The following METTL9 variants were observed in gnomAD, a reference collection of about 807,000 sequenced individuals.
METTL9 encodes the protein protein-L-histidine N-pros-methyltransferase.
A neutral mutation model predicts 36.0 loss-of-function variants in METTL9; 10 were observed. That is an observed-to-expected ratio of 0.28 (90% CI 0.17 to 0.47). METTL9 has a LOEUF of 0.47. METTL9 is among the 20% of genes least tolerant of loss of function. The pLI, the probability that METTL9 is intolerant of heterozygous loss-of-function variation, is 0.99. For missense variants in METTL9, 246 were observed against 383.5 expected (o/e 0.64, Z 3.00); for synonymous variants, 175 against 149.7 (o/e 1.17, Z -1.23).
intron 3 of METTL9, among the ~76,000 whole-genome samples, chr16:21,623,181 G>T (rs987155793): frequency 3.3e-5 from 5 of 152,142 alleles, no homozygotes; most frequent in African/African-American, 1.2e-4. Flanking sequence ...ATTTCAAACA[G>T]TATTTAGTGC....
intron 4 of METTL9, among the ~76,000 whole-genome samples, chr16:21,638,909 C>A (rs1966176388): frequency 6.6e-6 from 1 of 152,082 alleles, no homozygotes. Context: ...AGTGTTGGCG[C>A]CTGAAATCAA....
In METTL9 at chr16:21,655,205, T is replaced by G. The variant is rs748768411; in HGVS notation, c.752-22T>G. On this transcript the variant is annotated intron_variant, in intron 4 of 4. Transcript: ENST00000358154. ...TCACTTGTTTGTTCAAGAATTTAAC[T>G]GAATGTTCTTATTTGTATTAGTAGG... 3.1e-6 allele frequency: 5 copies of G among 1,602,090 alleles called. No homozygotes were observed. The South Asian group carries it at 4.4e-5, about 14-fold the overall frequency.
Position 21,655,309 on chromosome 16 carries a change from A to C in METTL9, c.834A>C (p.Glu278Asp). The C allele has an allele frequency of 1.2e-6, 2 of 1,614,250 alleles. No homozygotes were observed. Among genetic ancestry groups the C allele is most frequent in the Non-Finnish European group, 1.7e-6 (2 of 1,180,040 alleles). ...NWEEQVNSLP[E>D]VFRKAGFVIE... Reference sequence around the variant, plus strand: ...AAGAACAAGTGAATAGTCTGCCTGAAGTTTTCAGAAAAGCTGGTTTTGTTA... The same window carrying C: ...AAGAACAAGTGAATAGTCTGCCTGACGTTTTCAGAAAAGCTGGTTTTGTTA... Residue 278 changes from glutamate (E) to aspartate (D), a missense_variant, in exon 5 of 5, where the codon GAA becomes GAC. Transcript: ENST00000358154.
intron 4 of METTL9, among the ~76,000 whole-genome samples, chr16:21,629,922 T>A (rs1363090522): frequency 6.6e-6 from 1 of 152,194 alleles, no homozygotes; most frequent in East Asian, 1.9e-4. Context: ...TGCTGATTGG[T>A]GCGTTTACAA....
intron 4 of METTL9, among the ~76,000 whole-genome samples, chr16:21,636,027 T>G (rs1966083318): frequency 1.3e-5 from 2 of 152,170 alleles, no homozygotes; most frequent in Admixed American, 1.3e-4. Context: ...ACTGATGCAT[T>G]CTCAAAAACC....
intron 4 of METTL9, among the ~76,000 whole-genome samples, chr16:21,648,009 T>C (rs1966474294): frequency 1.3e-5 from 2 of 152,196 alleles, no homozygotes. Context: ...CAGGAATTCA[T>C]GGCCATTCAC....
At position 21,656,482 on chromosome 16, in the gene METTL9, A is replaced by C. The variant is rs962839984; in HGVS notation, c.*1050A>C. On this transcript the variant is annotated 3_prime_UTR_variant, in exon 5 of 5. Transcript: ENST00000358154. Reference sequence around the variant, plus strand: ...ACCGTGTCAGACTCATGCATTCTGGAATCCGTGAGTGCCTCCAACCATAAA... The same window carrying C: ...ACCGTGTCAGACTCATGCATTCTGGCATCCGTGAGTGCCTCCAACCATAAA... 1 of 152,136 alleles carries C rather than the reference A, an allele frequency of 6.6e-6. No individual in the cohort carries two copies. Among genetic ancestry groups the C allele is most frequent in the African/African-American group, 2.4e-5 (1 of 41,412 alleles). 9.4% of individuals were successfully genotyped at this position (152,136 alleles called of 1,614,324 possible).
chr16:21,617,432 GAAA>G (rs71151645), intron 2 of METTL9, among the ~76,000 whole-genome samples: 63 of 142,670 alleles, frequency 4.4e-4, no homozygotes, highest in Non-Finnish European at 8.1e-4. Context: ...AAAAAAAAAA[GAAA>G]AAAAAAATTA....
rs1350983492 is a variant in METTL9 at position 21,656,914 on chromosome 16, T to C, written c.*1482T>C. On this transcript the variant is annotated 3_prime_UTR_variant, in exon 5 of 5. Transcript: ENST00000358154. ...AATTGTTATTGGTGTGTTCTAATGATTTTTTTCCAGGAATTCAAGTAAGTG... is the reference window on the plus strand; with the variant it reads ...AATTGTTATTGGTGTGTTCTAATGACTTTTTTCCAGGAATTCAAGTAAGTG... 1.3e-5 allele frequency: 2 copies of C among 152,270 alleles called. No homozygotes were observed. The highest frequency in any genetic ancestry group is 2.9e-5 in the Non-Finnish European group (2 of 68,022). The allele number at this position is 152,270 out of a possible 1,614,324, so 9.4% of individuals were successfully genotyped here.
At chr16:21,625,909 T>C (rs1167656189) in intron 4 of METTL9, among the ~76,000 whole-genome samples, 1 of 152,150 alleles carries the variant, frequency 6.6e-6, no homozygotes, top group African/African-American at 2.4e-5. Flanking sequence ...GTTTCATTTA[T>C]TTTTTTGAGA....
At chr16:21,614,577 A>G (rs536641355) in intron 2 of METTL9, among the ~76,000 whole-genome samples, 1 of 152,306 alleles carries the variant, frequency 6.6e-6, no homozygotes, top group African/African-American at 2.4e-5. Context: ...ATTCTCAGCT[A>G]AAAACTAAAT....
At chr16:21,639,963 C>T (rs1966205244) in intron 4 of METTL9, 1 of 144,176 alleles carries the variant, frequency 6.9e-6, no homozygotes, top group Non-Finnish European at 1.5e-5. Flanking sequence ...ATTTTTGAGA[C>T]AGTCTTGCTC....
chr16:21,637,954 C>G (rs1048822470), intron 4 of METTL9, among the ~76,000 whole-genome samples: 1 of 152,160 alleles, frequency 6.6e-6, no homozygotes, highest in African/African-American at 2.4e-5. Context: ...TTTTGCAGCT[C>G]GAAGTAAAAC....
At chr16:21,624,299 GAT>G (rs1965771960) in intron 3 of METTL9, among the ~76,000 whole-genome samples, 3 of 152,218 alleles carry the variant, frequency 2.0e-5, no homozygotes, top group African/African-American at 7.2e-5. Flanking sequence ...TTCATTAACT[GAT>G]ATTCAAAAGA....
In METTL9 at chr16:21,632,940, G is replaced by A. The variant is rs1966000676; in HGVS notation, c.751+7825G>A. The stretch of plus-strand genomic sequence containing the variant: ...TGTTCTGTGGGAAGGCTTAAAGTCA[G>A]AGCTTATACTAGGGCCTGCTTTAAG... On this transcript the variant is annotated intron_variant, in intron 4 of 4. Transcript: ENST00000358154. Among the ~76,000 whole-genome samples, 4 of 152,282 alleles carry A rather than the reference G, an allele frequency of 2.6e-5. No homozygotes were observed. The South Asian group carries it at 8.3e-4, about 32-fold the overall frequency.
chr16:21,651,050 T>C (rs920731024), intron 4 of METTL9, among the ~76,000 whole-genome samples: 10 of 152,062 alleles, frequency 6.6e-5, no homozygotes, highest in Admixed American at 6.5e-5. Flanking sequence ...GGTGAAACGC[T>C]GTCTCTACTA....
intron 2 of METTL9, among the ~76,000 whole-genome samples, chr16:21,614,715 A>C (rs1442114565): frequency 4.6e-5 from 7 of 152,250 alleles, no homozygotes; most frequent in Non-Finnish European, 1.0e-4. Flanking sequence ...AACTTCCTTT[A>C]TTTTGGAAAG....
rs549152457 is a variant in METTL9 at position 21,612,296 on chromosome 16, C to A, written c.166-349C>A. ...GAGGCCAGCAGAGCTTTCTAAATCT[C>A]GGGTACAGTGACTGAAGCACTGGGC... On this transcript the variant is annotated intron_variant, in intron 1 of 4. Transcript: ENST00000358154. 7 of 181,630 alleles carry A rather than the reference C, an allele frequency of 3.9e-5. 1 individual carries two copies. The East Asian group carries it at 9.7e-4, about 25-fold the overall frequency. 11.3% of individuals were successfully genotyped at this position (181,630 alleles called of 1,614,324 possible). A position where few individuals can be genotyped will look rare whatever the true frequency, so the allele number is the denominator to read the frequency against.
intron 3 of METTL9, among the ~76,000 whole-genome samples, chr16:21,624,367 A>G (rs1360776213): frequency 6.6e-6 from 1 of 152,202 alleles, no homozygotes; most frequent in Non-Finnish European, 1.5e-5. Flanking sequence ...CTTATTAAAC[A>G]TGATTAGTTC....
Sources: gnomAD v4.1 joint callset for allele counts (sites outside exome capture counted in the v4.1 genomes callset) on GRCh38, gnomAD v4.1.1 for gene constraint, MANE v1.5 for transcripts, NCBI Gene and HGNC (gene_info 2026-07-23, HGNC 2026-07-21) for gene names.